CEP85L: variants seen among roughly 807,000 people sequenced by gnomAD.
CEP85L encodes the protein centrosomal protein of 85 kDa-like.
Under a neutral mutation model 100.3 loss-of-function variants are expected in CEP85L, and 60 were observed. The ratio of observed to expected loss-of-function variants is 0.60; its 90% confidence interval spans 0.49 to 0.74. CEP85L has a LOEUF of 0.74. Among genes scored for constraint, CEP85L ranks in the 30% least tolerant of loss-of-function variants. The probability of loss-of-function intolerance (pLI) is 0.00; values close to 1 mark genes in which losing one functional copy is unlikely to be tolerated. For synonymous variants in CEP85L, 319 were observed against 322.7 expected, an observed-to-expected ratio of 0.99 and a Z score of 0.12; for missense variants, 973 against 936.2, an observed-to-expected ratio of 1.04 and a Z score of -0.51.
intron 1 of CEP85L, among the ~76,000 whole-genome samples, chr6:118,705,467 T>C (rs1012708308): frequency 2.0e-5 from 3 of 152,174 alleles, no homozygotes; most frequent in Non-Finnish European, 4.4e-5. Context: ...CATTGAAGGG[T>C]GTTTGCCTTG....
intron 5 of CEP85L, among the ~76,000 whole-genome samples, chr6:118,508,906 T>A (rs2114705829): frequency 6.6e-6 from 1 of 152,250 alleles, no homozygotes; most frequent in Admixed American, 6.5e-5. Context: ...AGAAATATTT[T>A]ATTACTCTAT....
At chr6:118,673,953 T>A (rs1776395134) in intron 1 of CEP85L, among the ~76,000 whole-genome samples, 1 of 152,140 alleles carries the variant, frequency 6.6e-6, no homozygotes, top group African/African-American at 2.4e-5. Context: ...AGATGCTGAG[T>A]TACCAACAAG....
At chr6:118,565,337 T>C (rs979392446) in intron 3 of CEP85L, 192 bp downstream of exon 3, 5 of 601,488 alleles carry the variant, frequency 8.3e-6, no homozygotes, top group South Asian at 4.4e-5. Context: ...CAGATTTTCA[T>C]GTTAATTAGT....
chr6:118,472,236 G>C (rs1773015824), intron 10 of CEP85L, among the ~76,000 whole-genome samples: 1 of 152,078 alleles, frequency 6.6e-6, no homozygotes, highest in Admixed American at 6.5e-5. Context: ...ATGTCCCTAT[G>C]TAAGACTGAT....
chr6:118,477,535 T>C (rs1773475469), intron 10 of CEP85L, among the ~76,000 whole-genome samples: 2 of 152,152 alleles, frequency 1.3e-5, no homozygotes, highest in Admixed American at 1.3e-4. Context: ...GGACATAAAA[T>C]GTACATAGCC....
intron 2 of CEP85L, among the ~76,000 whole-genome samples, chr6:118,630,508 T>C (rs1223204411): frequency 1.3e-5 from 2 of 152,334 alleles, no homozygotes; most frequent in East Asian, 3.9e-4. Context: ...ACTTTCCTCA[T>C]AATTGCCAAA....
chr6:118,539,566 T>C (rs1777789229), intron 3 of CEP85L, among the ~76,000 whole-genome samples: 1 of 152,232 alleles, frequency 6.6e-6, no homozygotes, highest in Non-Finnish European at 1.5e-5. Context: ...TCTAAAAGGA[T>C]ATAAAAGAAA....
At chr6:118,506,717 A>G (rs1775681982) in intron 5 of CEP85L, among the ~76,000 whole-genome samples, 1 of 152,202 alleles carries the variant, frequency 6.6e-6, no homozygotes, top group Admixed American at 6.5e-5. Context: ...TTTTGTAGCA[A>G]GACAAGCTGT....
At chr6:118,575,471 A>C (rs369624894) in intron 2 of CEP85L, among the ~76,000 whole-genome samples, 1 of 152,316 alleles carries the variant, frequency 6.6e-6, no homozygotes, top group South Asian at 2.1e-4. Flanking sequence ...GTTGGCGGCA[A>C]GTGCCTGTCA....
At chr6:118,480,366 T>A (rs766289786) in intron 9 of CEP85L, 30 bp downstream of exon 9, 3 of 1,235,554 alleles carry the variant, frequency 2.4e-6, no homozygotes, top group Non-Finnish European at 3.6e-6. Context: ...AGCATAGATT[T>A]CACGTTTATG....
chr6:118,662,857 C>T (rs919097162), intron 1 of CEP85L, among the ~76,000 whole-genome samples: 56 of 152,038 alleles, frequency 3.7e-4, no homozygotes, highest in Non-Finnish European at 1.0e-4. Context: ...TGGTGCATGA[C>T]GATTTCAGTT....
chr6:118,673,326 T>A (rs765866058), intron 1 of CEP85L, among the ~76,000 whole-genome samples: 5 of 152,174 alleles, frequency 3.3e-5, no homozygotes, highest in Non-Finnish European at 4.4e-5. Context: ...CAAAGGGATA[T>A]GAAAATATGA....
chr6:118,527,785 G>A (rs1022104741), intron 3 of CEP85L, among the ~76,000 whole-genome samples: 4 of 151,940 alleles, frequency 2.6e-5, no homozygotes, highest in African/African-American at 9.7e-5. Context: ...TCATTTACTT[G>A]GGAGATTAAA....
Position 118,612,386 on chromosome 6 carries a change from G to A in CEP85L, c.232+20067C>T, listed in dbSNP as rs571867009. Among the ~76,000 whole-genome samples, 248 of 152,010 alleles carry A rather than the reference G, an allele frequency of 1.6e-3. 1 individual carries two copies. Among genetic ancestry groups the A allele is most frequent in the African/African-American group, 5.5e-3 (227 of 41,484 alleles). ...TTAAAAGTGGCAAACGGCCAGGTGC[G>A]GTGGCTCACACCTATAATCCCGGCA... On this transcript the variant is annotated intron_variant, in intron 2 of 12. Coordinates refer to ENST00000368491, the MANE Select transcript of CEP85L (RefSeq NM_001042475.3).
chr6:118,569,426 G>A (rs112899178), intron 2 of CEP85L, among the ~76,000 whole-genome samples: 7 of 146,724 alleles, frequency 4.8e-5, no homozygotes, highest in South Asian at 2.1e-4. Flanking sequence ...AAACCTGCAC[G>A]TTGTGCATAT....
chr6:118,541,827 T>C (rs964130912), intron 3 of CEP85L, among the ~76,000 whole-genome samples: 1 of 147,490 alleles, frequency 6.8e-6, no homozygotes, highest in Non-Finnish European at 1.5e-5. Context: ...ACTCAGGATG[T>C]TTACTAATTC....
intron 10 of CEP85L, among the ~76,000 whole-genome samples, chr6:118,471,382 T>C (rs1772943540): frequency 6.6e-6 from 1 of 152,050 alleles, no homozygotes; most frequent in African/African-American, 2.4e-5. Context: ...TTTCCTTTTA[T>C]TAGACCACAA....
intron 2 of CEP85L, among the ~76,000 whole-genome samples, chr6:118,603,688 T>C (rs551536306): frequency 6.6e-6 from 1 of 152,252 alleles, no homozygotes; most frequent in South Asian, 2.1e-4. Context: ...GTTTAGTCCA[T>C]GTCGTTATCT....
intron 2 of CEP85L, among the ~76,000 whole-genome samples, chr6:118,593,669 G>A (rs1474696188): frequency 7.0e-6 from 1 of 142,756 alleles, no homozygotes; most frequent in Admixed American, 7.0e-5. Context: ...GCAGCGCATC[G>A]CAATAATGCT....
Sources: gnomAD v4.1 joint callset for allele counts (sites outside exome capture counted in the v4.1 genomes callset) on GRCh38, gnomAD v4.1.1 for gene constraint, MANE v1.5 for transcripts, NCBI Gene and HGNC (gene_info 2026-07-23, HGNC 2026-07-21) for gene names.